ETV6: variants seen among roughly 807,000 people sequenced by gnomAD.
ETV6 encodes the protein transcription factor ETV6.
ETV6 carries 16 observed loss-of-function variants against 51.1 expected under a neutral mutation model. The observed-to-expected ratio is 0.31, with a 90% CI of 0.21 to 0.48. The LOEUF (loss-of-function observed/expected upper bound fraction) is 0.48. ETV6 is among the 20% of genes least tolerant of loss of function. The probability of loss-of-function intolerance (pLI) is 0.99; values close to 1 mark genes in which losing one functional copy is unlikely to be tolerated. For synonymous variants in ETV6, 240 were observed against 224.1 expected (o/e 1.07, Z -0.64); for missense variants, 458 against 594.8 (o/e 0.77, Z 2.39).
At chr12:11,723,977 T>G (rs2120940061) in intron 1 of ETV6, among the ~76,000 whole-genome samples, 1 of 152,026 alleles carries the variant, frequency 6.6e-6, no homozygotes, top group South Asian at 2.1e-4. Flanking sequence ...GAACAGGGCC[T>G]TTAAAGTCAC....
intron 2 of ETV6, among the ~76,000 whole-genome samples, chr12:11,827,710 C>G (rs1169236779): frequency 6.6e-6 from 1 of 152,122 alleles, no homozygotes. Context: ...AGCCAAGCCT[C>G]CTCCATGCAA....
At chr12:11,675,337 G>A (rs1238991630) in intron 1 of ETV6, among the ~76,000 whole-genome samples, 1 of 152,208 alleles carries the variant, frequency 6.6e-6, no homozygotes, top group African/African-American at 2.4e-5. Context: ...AAATCCTATA[G>A]TTATCCTAAT....
At chr12:11,732,710 AG>A (rs1445466605) in intron 1 of ETV6, among the ~76,000 whole-genome samples, 1 of 152,144 alleles carries the variant, frequency 6.6e-6, no homozygotes, top group East Asian at 1.9e-4. Context: ...CTGCCTCTAG[AG>A]GACCAAGAAC....
intron 2 of ETV6, among the ~76,000 whole-genome samples, chr12:11,806,517 C>T (rs1266765304): frequency 6.6e-6 from 1 of 152,148 alleles, no homozygotes; most frequent in Non-Finnish European, 1.5e-5. Context: ...GTTCTACACA[C>T]CTTTGTTAGT....
chr12:11,749,660 T>C (rs958366668), intron 1 of ETV6, among the ~76,000 whole-genome samples: 12 of 152,216 alleles, frequency 7.9e-5, no homozygotes, highest in African/African-American at 2.9e-4. Context: ...AAATGAGCAC[T>C]GTGAGAGTCA....
chr12:11,686,553 A>G (rs1291176645), intron 1 of ETV6, among the ~76,000 whole-genome samples: 1 of 152,116 alleles, frequency 6.6e-6, no homozygotes, highest in East Asian at 1.9e-4. Context: ...TTTGAGATGC[A>G]GTCTCGCTCT....
At chr12:11,657,906 C>CT (rs1014011058) in intron 1 of ETV6, among the ~76,000 whole-genome samples, 15 of 152,330 alleles carry the variant, frequency 9.8e-5, no homozygotes, top group African/African-American at 3.6e-4. Flanking sequence ...CAGAAAAGGG[C>CT]TTTACCTCAC....
rs2855748 is a variant in ETV6 at position 11,893,407 on chromosome 12, A to G, written c.*2361A>G. ...AGGGAAATTCCCTTTTGCCCCAAGCATTTCTATATTTAAAGCAATATCCCA... is the reference window on the plus strand; with the variant it reads ...AGGGAAATTCCCTTTTGCCCCAAGCGTTTCTATATTTAAAGCAATATCCCA... On this transcript the variant is annotated 3_prime_UTR_variant, in exon 8 of 8. Transcript: ENST00000396373. 100,846 of 231,434 alleles carry G rather than the reference A, an allele frequency of 0.44. 22,288 individuals carry two copies. Among genetic ancestry groups the G allele is most frequent in the Admixed American group, 0.54 (9,562 of 17,720 alleles). 14.3% of individuals were successfully genotyped at this position (231,434 alleles called of 1,614,324 possible).
At chr12:11,723,752 C>G (rs1189496461) in intron 1 of ETV6, among the ~76,000 whole-genome samples, 1 of 152,122 alleles carries the variant, frequency 6.6e-6, no homozygotes, top group Non-Finnish European at 1.5e-5. Flanking sequence ...CTTTCTTTTC[C>G]CCAACTGCAG....
intron 1 of ETV6, among the ~76,000 whole-genome samples, chr12:11,650,530 C>T (rs992152792): frequency 7.2e-6 from 1 of 139,836 alleles, no homozygotes; most frequent in African/African-American, 2.6e-5. Context: ...CTCCCTATTC[C>T]TACACCCAAC....
intron 1 of ETV6, among the ~76,000 whole-genome samples, chr12:11,726,167 C>T (rs1865484789): frequency 6.6e-6 from 1 of 152,146 alleles, no homozygotes; most frequent in Non-Finnish European, 1.5e-5. Context: ...AAGAAATGAC[C>T]AAATGAATGG....
chr12:11,763,217 G>C (rs940172512), intron 2 of ETV6, among the ~76,000 whole-genome samples: 12 of 152,194 alleles, frequency 7.9e-5, no homozygotes, highest in African/African-American at 2.9e-4. Context: ...TGAGGTGGTA[G>C]TGAAGCCACC....
intron 2 of ETV6, among the ~76,000 whole-genome samples, chr12:11,774,500 G>A (rs1184962681): frequency 6.6e-6 from 1 of 152,196 alleles, no homozygotes; most frequent in Admixed American, 6.5e-5. Context: ...AGGTCCTGTA[G>A]GGATGTGATA....
rs1389273743 is a variant in ETV6, at chr12:11,650,287, G to C, written c.33+127G>C. The C allele has an allele frequency of 5.0e-6, 4 of 796,124 alleles. No homozygotes were observed. The East Asian group carries it at 1.0e-4, about 20-fold the overall frequency. 49.3% of individuals were successfully genotyped at this position (796,124 alleles called of 1,614,324 possible). On this transcript the variant is annotated intron_variant, in intron 1 of 7. Coordinates refer to ENST00000396373, the MANE Select transcript of ETV6 (RefSeq NM_001987.5). ...GTTCGCAGGAAATTATTTGGGGCGA[G>C]AGGGAAAGAGATGCAGCTCGCGGTG... is the stretch of plus-strand genomic sequence containing the variant.
chr12:11,721,660 A>G (rs114200017), intron 1 of ETV6, among the ~76,000 whole-genome samples: 137 of 152,344 alleles, frequency 9.0e-4, no homozygotes, highest in African/African-American at 2.9e-3. Flanking sequence ...TACCCATGTA[A>G]CAAACCTGCA....
At chr12:11,872,249 C>G (rs1309741204) in intron 5 of ETV6, among the ~76,000 whole-genome samples, 2 of 152,204 alleles carry the variant, frequency 1.3e-5, no homozygotes, top group Admixed American at 1.3e-4. Context: ...GGCCCCATGA[C>G]CGAGGTGTGC....
At chr12:11,857,769 C>T (rs115054699) in intron 4 of ETV6, among the ~76,000 whole-genome samples, 252 of 152,288 alleles carry the variant, frequency 1.7e-3, no homozygotes, top group African/African-American at 5.7e-3. Flanking sequence ...CTTCATTCTG[C>T]CAGAACAGAT....
intron 1 of ETV6, among the ~76,000 whole-genome samples, chr12:11,681,373 T>C (rs1864528748): frequency 2.6e-5 from 4 of 152,212 alleles, no homozygotes; most frequent in Admixed American, 1.3e-4. Flanking sequence ...TTTTGGTTTC[T>C]ATGTATCATA....
At chr12:11,872,225 C>T (rs1946890397) in intron 5 of ETV6, among the ~76,000 whole-genome samples, 1 of 152,174 alleles carries the variant, frequency 6.6e-6, no homozygotes. Flanking sequence ...AGGCCTTTGC[C>T]AAGGTCAGAT....
Sources: allele counts gnomAD v4.1 joint callset (sites outside exome capture counted in the v4.1 genomes callset), GRCh38; gene constraint gnomAD v4.1.1; transcripts MANE v1.5; gene names NCBI Gene and HGNC (gene_info 2026-07-23, HGNC 2026-07-21).